The following DPP6 variants were observed in gnomAD, a reference collection of about 807,000 sequenced individuals.
DPP6 encodes the protein dipeptidyl peptidase like 6.
In DPP6, 69 loss-of-function variants were observed where a neutral mutation model predicts 122.6. The observed-to-expected ratio is 0.56, with a 90% CI of 0.46 to 0.69. The LOEUF is 0.69. Ranked by LOEUF, DPP6 falls within the 30% of genes least tolerant of loss-of-function variation. DPP6 has a pLI of 0.00. For synonymous variants in DPP6, 418 were observed against 433.1 expected, an observed-to-expected ratio of 0.97 and a Z score of 0.43; for missense variants, 928 against 1,116.9, an observed-to-expected ratio of 0.83 and a Z score of 2.41.
intron 1 of DPP6, among the ~76,000 whole-genome samples, chr7:154,090,931 T>C (rs577280466): frequency 2.8e-4 from 42 of 148,976 alleles, no homozygotes; most frequent in Admixed American, 7.4e-4. Flanking sequence ...CCATCCTGGC[T>C]AACACAGTGA....
At chr7:154,213,245 G>A (rs1799830898) in intron 1 of DPP6, among the ~76,000 whole-genome samples, 2 of 152,214 alleles carry the variant, frequency 1.3e-5, no homozygotes, top group Non-Finnish European at 2.9e-5. Flanking sequence ...CACAGGGCCA[G>A]GGGAAGAGAG....
intron 5 of DPP6, among the ~76,000 whole-genome samples, chr7:154,579,904 T>C (rs1831936025): frequency 6.6e-6 from 1 of 151,950 alleles, no homozygotes. Flanking sequence ...GGGGCAAAAG[T>C]AGGCTAACCT....
At chr7:154,392,985 A>G (rs1814753447) in intron 1 of DPP6, among the ~76,000 whole-genome samples, 1 of 152,238 alleles carries the variant, frequency 6.6e-6, no homozygotes, top group African/African-American at 2.4e-5. Flanking sequence ...TCCACCATTC[A>G]TCAGAAGAAA....
chr7:153,794,219 C>T, the DPP6 span, among the ~76,000 whole-genome samples: 2 of 152,232 alleles, frequency 1.3e-5, no homozygotes, highest in Non-Finnish European at 2.9e-5. Flanking sequence ...AAGCTGCAGA[C>T]ACTCAGTGCC....
chr7:154,892,341 C>T lies in DPP6; in HGVS notation c.2459C>T (p.Pro820Leu), dbSNP rs1420883845. The change falls in exon 26 of 26, where the codon CCG (proline) becomes CTG (leucine). Residue 820 changes from proline (P) to leucine (L), a missense_variant. Transcript: ENST00000377770. ...TCCGTGCCTTCCTTGCAGATTTACC[C>T]GGACGAAAGCCATTACTTTACCAGC... ...GKANYSLQIY[P>L]DESHYFTSSS... is the part of the protein sequence containing the mutation. The T allele has an allele frequency of 3.1e-6, 5 of 1,613,892 alleles. No individual in the cohort carries two copies. Among genetic ancestry groups the T allele is most frequent in the Non-Finnish European group, 4.2e-6 (5 of 1,179,902 alleles).
chr7:154,472,842 G>GCCT (rs541187012), intron 2 of DPP6, among the ~76,000 whole-genome samples: 400 of 152,226 alleles, frequency 2.6e-3, no homozygotes, highest in African/African-American at 9.2e-3. Context: ...ATATCATAAT[G>GCCT]CCTCCACCAC....
chr7:154,525,654 G>A (rs58105948), intron 3 of DPP6, among the ~76,000 whole-genome samples: 4,262 of 152,234 alleles, frequency 0.028, 93 homozygotes, highest in East Asian at 0.087. Context: ...CAGAGAACGT[G>A]GCTAACACAT....
chr7:154,809,397 C>T (rs1798902095), intron 16 of DPP6, among the ~76,000 whole-genome samples: 1 of 152,100 alleles, frequency 6.6e-6, no homozygotes, highest in African/African-American at 2.4e-5. Flanking sequence ...TGGATCCCAC[C>T]AGGTTATCAG....
At chr7:153,927,546 T>C (rs924354666) in intron 1 of DPP6, among the ~76,000 whole-genome samples, 5 of 152,218 alleles carry the variant, frequency 3.3e-5, no homozygotes, top group African/African-American at 1.2e-4. Flanking sequence ...TAACATCTAC[T>C]GGGAAGGTTG....
chr7:153,810,888 C>A, the DPP6 span, among the ~76,000 whole-genome samples: 1 of 152,134 alleles, frequency 6.6e-6, no homozygotes, highest in Non-Finnish European at 1.5e-5. Flanking sequence ...ACAAATCACA[C>A]CATATAAATG....
At chr7:154,677,161 G>C (rs1838964725) in intron 7 of DPP6, among the ~76,000 whole-genome samples, 1 of 152,082 alleles carries the variant, frequency 6.6e-6, no homozygotes, top group South Asian at 2.1e-4. Context: ...CTATTATTCT[G>C]TTGTTTTCTT....
At chr7:154,406,199 T>A (rs1816072227) in intron 1 of DPP6, among the ~76,000 whole-genome samples, 1 of 152,182 alleles carries the variant, frequency 6.6e-6, no homozygotes, top group Non-Finnish European at 1.5e-5. Context: ...AACCAGAAGT[T>A]TGCCAGCCAA....
At chr7:154,816,526 C>T (rs1799434491) in intron 16 of DPP6, among the ~76,000 whole-genome samples, 1 of 152,172 alleles carries the variant, frequency 6.6e-6, no homozygotes, top group Non-Finnish European at 1.5e-5. Flanking sequence ...TCCTGTGAGG[C>T]TGTTTTGAAG....
intron 1 of DPP6, among the ~76,000 whole-genome samples, chr7:153,905,428 GATT>G (rs1351110071): frequency 6.6e-6 from 1 of 152,052 alleles, no homozygotes; most frequent in Non-Finnish European, 1.5e-5. Context: ...AGCAGATTGA[GATT>G]ATTATTATAT....
chr7:153,915,390 C>A (rs1187600034), intron 1 of DPP6, among the ~76,000 whole-genome samples: 1 of 152,144 alleles, frequency 6.6e-6, no homozygotes, highest in Non-Finnish European at 1.5e-5. Flanking sequence ...GTGCAACTTG[C>A]CACTCCAAGA....
the DPP6 span, among the ~76,000 whole-genome samples, chr7:153,795,848 G>T: frequency 0.42 from 59,714 of 142,562 alleles, 12,877 homozygotes; most frequent in South Asian, 0.51. Context: ...TTCTTTGATT[G>T]CATTTTTTGT....
At chr7:154,358,234 G>A (rs1269736809) in intron 1 of DPP6, among the ~76,000 whole-genome samples, 2 of 152,188 alleles carry the variant, frequency 1.3e-5, no homozygotes, top group Non-Finnish European at 2.9e-5. Flanking sequence ...CAGCCGTGCA[G>A]CCTAGGTCAG....
At chr7:154,742,621 T>A (rs1229473875) in intron 8 of DPP6, among the ~76,000 whole-genome samples, 1 of 152,220 alleles carries the variant, frequency 6.6e-6, no homozygotes, top group African/African-American at 2.4e-5. Flanking sequence ...TTTCCTGATA[T>A]GGAGGAGACG....
At chr7:154,502,507 T>C (rs1657974711) in intron 3 of DPP6, among the ~76,000 whole-genome samples, 1 of 152,170 alleles carries the variant, frequency 6.6e-6, no homozygotes, top group African/African-American at 2.4e-5. Context: ...TCATGGGATC[T>C]GAGGGTTTTA....
Sources: gnomAD v4.1 joint callset for allele counts (sites outside exome capture counted in the v4.1 genomes callset) on GRCh38, gnomAD v4.1.1 for gene constraint, MANE v1.5 for transcripts, NCBI Gene and HGNC (gene_info 2026-07-23, HGNC 2026-07-21) for gene names.